The following RAI2 variants were observed in gnomAD, a reference collection of about 807,000 sequenced individuals.
The protein encoded by RAI2 is retinoic acid induced 2.
RAI2 carries 5 observed loss-of-function variants against 15.3 expected under a neutral mutation model. The ratio of observed to expected loss-of-function variants is 0.33; its 90% CI spans 0.17 to 0.69. The LOEUF (loss-of-function observed/expected upper bound fraction) is 0.69, where lower values mean the gene tolerates loss of function less well. Ranked by LOEUF, RAI2 falls within the 30% of genes least tolerant of loss-of-function variation. The pLI is 0.69. For missense variants in RAI2, 424 were observed against 424.7 expected (o/e 1.00, Z 0.01); for synonymous variants, 191 against 184.0 (o/e 1.04, Z -0.31).
intron 1 of RAI2, among the ~76,000 whole-genome samples, chrX:17,851,608 T>C (rs747348759): frequency 1.1e-3 from 125 of 111,761 alleles, no homozygotes; most frequent in African/African-American, 3.9e-3. Flanking sequence ...CATTGATTGC[T>C]AGCCAATCAA....
At chrX:17,809,389 G>C (rs1158894794) in intron 1 of RAI2, among the ~76,000 whole-genome samples, 2 of 111,608 alleles carry the variant, frequency 1.8e-5, no homozygotes, top group African/African-American at 6.5e-5. Flanking sequence ...AAAAATAGGA[G>C]AAGTGGAGCC....
At chrX:17,845,329 T>C (rs2067443130) in intron 1 of RAI2, among the ~76,000 whole-genome samples, 1 of 112,761 alleles carries the variant, frequency 8.9e-6, no homozygotes, top group African/African-American at 3.2e-5. Flanking sequence ...TCGCTTTTAT[T>C]TCCCTGAACT....
chrX:17,855,930 A>C (rs1000401706), intron 1 of RAI2, among the ~76,000 whole-genome samples: 3 of 112,096 alleles, frequency 2.7e-5, no homozygotes, highest in African/African-American at 9.7e-5. Context: ...TATTTAATGC[A>C]CATCCTAATT....
intron 1 of RAI2, among the ~76,000 whole-genome samples, chrX:17,804,858 T>G (rs898592494): frequency 3.5e-5 from 4 of 112,681 alleles, no homozygotes; most frequent in Admixed American, 9.4e-5. Flanking sequence ...CTCAGTCCCT[T>G]CCCTGCCTGG....
intron 1 of RAI2, among the ~76,000 whole-genome samples, chrX:17,815,777 CAATT>C (rs2067100456): frequency 9.0e-6 from 1 of 111,136 alleles, no homozygotes; most frequent in South Asian, 3.8e-4. Context: ...GTAAAAACTG[CAATT>C]AATTTTGCAC....
In RAI2 at chrX:17,839,296, C is replaced by T. The variant is rs768596948; in HGVS notation, c.-25+21802G>A. 8.9e-5 allele frequency among the ~76,000 whole-genome samples: 10 copies of T among 112,138 alleles called. No individual in the cohort carries two copies. In the South Asian group the frequency reaches 3.7e-3, roughly 42 times the overall value. ...TTCTCTGTCCTACTGGCCACTGCCC[C>T]CTTCGCAGTAAGGAGACTTGCTTCC... On this transcript the variant is annotated intron_variant, in intron 1 of 1. Transcript: ENST00000451717.
rs2067344940 is a variant in RAI2, at chrX:17,837,206, G to A, written c.-25+23892C>T. Among the ~76,000 whole-genome samples, 3 of 111,534 alleles carry A rather than the reference G, an allele frequency of 2.7e-5. No homozygotes were observed. The South Asian group carries it at 1.1e-3, about 43-fold the overall frequency. The stretch of plus-strand genomic sequence containing the variant: ...GGTGGAGGTGAGTACCCAGGAGGTA[G>A]GGGTCAGCCAAGATAGCTTCCACTA... On this transcript the variant is annotated intron_variant, in intron 1 of 1. Coordinates refer to ENST00000451717, the MANE Select transcript of RAI2 (RefSeq NM_021785.6).
intron 1 of RAI2, among the ~76,000 whole-genome samples, chrX:17,830,012 A>G (rs1164199254): frequency 8.9e-6 from 1 of 112,702 alleles, no homozygotes; most frequent in Non-Finnish European, 1.9e-5. Context: ...TCCCCTTTTC[A>G]AACAAACACT....
chrX:17,814,207 C>T (rs1414400356), intron 1 of RAI2, among the ~76,000 whole-genome samples: 1 of 108,084 alleles, frequency 9.3e-6, no homozygotes, highest in Non-Finnish European at 1.9e-5. Flanking sequence ...TCAGAGTCAT[C>T]TCAACCGAGA....
intron 1 of RAI2, among the ~76,000 whole-genome samples, chrX:17,816,898 A>G (rs7474388): frequency 9.0e-6 from 1 of 111,139 alleles, no homozygotes; most frequent in Non-Finnish European, 1.9e-5. Flanking sequence ...CCTGGATCCT[A>G]CAAAGCTTCC....
At chrX:17,827,593 C>A (rs1282946007) in intron 1 of RAI2, among the ~76,000 whole-genome samples, 3 of 111,823 alleles carry the variant, frequency 2.7e-5, no homozygotes, top group African/African-American at 9.8e-5. Flanking sequence ...GAACTTGCTA[C>A]TCAGTTGCAG....
intron 1 of RAI2, among the ~76,000 whole-genome samples, chrX:17,826,563 C>T (rs1256055651): frequency 9.1e-6 from 1 of 110,497 alleles, no homozygotes; most frequent in Non-Finnish European, 1.9e-5. Flanking sequence ...GACAATGTTC[C>T]CAACTAGTGT....
intron 1 of RAI2, among the ~76,000 whole-genome samples, chrX:17,804,172 A>G (rs11796021): frequency 0.13 from 13,991 of 109,999 alleles, 1,372 homozygotes; most frequent in African/African-American, 0.33. Context: ...GTTGTCCGGG[A>G]TCATCTTGAA....
chrX:17,851,144 T>A (rs1206421177), intron 1 of RAI2, among the ~76,000 whole-genome samples: 1 of 112,249 alleles, frequency 8.9e-6, no homozygotes. Context: ...GGGTTTCTGG[T>A]GTGGCTGTGT....
chrX:17,841,594 G>A (rs907018367), intron 1 of RAI2, among the ~76,000 whole-genome samples: 3 of 112,218 alleles, frequency 2.7e-5, no homozygotes, highest in Non-Finnish European at 5.6e-5. Context: ...TGTACAATAC[G>A]ATACTATTCA....
At chrX:17,823,762 T>G (rs1395282470) in intron 1 of RAI2, among the ~76,000 whole-genome samples, 1 of 111,978 alleles carries the variant, frequency 8.9e-6, no homozygotes, top group African/African-American at 3.2e-5. Context: ...CCAAGGCCAG[T>G]GAAATCAAAA....
chrX:17,814,090 C>CAACA (rs1485996082), intron 1 of RAI2, among the ~76,000 whole-genome samples: 2 of 110,537 alleles, frequency 1.8e-5, no homozygotes, highest in Non-Finnish European at 3.8e-5. Flanking sequence ...AGATCCCAGA[C>CAACA]AACACCAGTA....
Position 17,800,748 on chromosome X carries a change from T to G in RAI2, c.1263A>C (p.Glu421Asp), listed in dbSNP as rs151029765. Residue 421 changes from glutamate to aspartate, a missense_variant, in exon 2 of 2, where the codon GAA becomes GAC. Physicochemically the swap from Glu to Asp is conservative, Grantham distance 45 (BLOSUM62 2). Transcript: ENST00000451717. ...MLSQPNHPSGEVKAENNIEMV... is the reference protein window; with the variant it reads ...MLSQPNHPSGDVKAENNIEMV... Reference sequence around the variant, plus strand: ...TCTCAATGTTATTTTCAGCCTTGACTTCGCCGCTGGGGTGGTTGGGCTGGC... The same window carrying G: ...TCTCAATGTTATTTTCAGCCTTGACGTCGCCGCTGGGGTGGTTGGGCTGGC... 4.1e-6 allele frequency: 5 copies of G among 1,211,640 alleles called. No individual in the cohort carries two copies. Among genetic ancestry groups the G allele is most frequent in the Non-Finnish European group, 5.6e-6 (5 of 895,559 alleles).
chrX:17,842,626 C>G (rs907603789), intron 1 of RAI2, among the ~76,000 whole-genome samples: 2 of 103,289 alleles, frequency 1.9e-5, no homozygotes, highest in African/African-American at 7.2e-5. Flanking sequence ...GCTCCAAACT[C>G]CTGGAGAAGA....
Sources: gnomAD v4.1 joint callset for allele counts (sites outside exome capture counted in the v4.1 genomes callset) on GRCh38, gnomAD v4.1.1 for gene constraint, MANE v1.5 for transcripts, NCBI Gene and HGNC (gene_info 2026-07-23, HGNC 2026-07-21) for gene names.